Variants in MALRD1 observed in about 807,000 individuals in gnomAD.
MALRD1 encodes MAM and LDL receptor class A domain containing 1.
A neutral mutation model predicts 242.1 loss-of-function variants in MALRD1; 247 were observed. The observed-to-expected ratio is 1.02, with a 90% CI of 0.92 to 1.13. The LOEUF (loss-of-function observed/expected upper bound fraction) is 1.13. Among genes scored for constraint, MALRD1 ranks in the 50% most tolerant of loss-of-function variants. The pLI is 0.00. For synonymous variants in MALRD1, 995 were observed against 866.6 expected, an observed-to-expected ratio of 1.15 and a Z score of -2.60; for missense variants, 2,989 against 2,533.1, an observed-to-expected ratio of 1.18 and a Z score of -3.86.
chr10:19,224,401 C>G (rs1837697022), intron 18 of MALRD1, among the ~76,000 whole-genome samples: 1 of 151,900 alleles, frequency 6.6e-6, no homozygotes, highest in Non-Finnish European at 1.5e-5. Context: ...ATTCTCCTGC[C>G]TTAGCCTCTT....
intron 31 of MALRD1, among the ~76,000 whole-genome samples, chr10:19,504,120 T>C (rs1456795192): frequency 2.0e-5 from 3 of 152,228 alleles, no homozygotes; most frequent in African/African-American, 4.8e-5. Context: ...TGGTTGATAG[T>C]GTCCTGCAGG....
intron 1 of MALRD1, among the ~76,000 whole-genome samples, chr10:19,065,045 T>G (rs113309821): frequency 1.3e-5 from 2 of 151,890 alleles, no homozygotes; most frequent in Non-Finnish European, 2.9e-5. Flanking sequence ...CCCAGCACTT[T>G]GGGAGGCCGA....
intron 21 of MALRD1, among the ~76,000 whole-genome samples, chr10:19,309,498 A>T (rs1371406599): frequency 6.6e-6 from 1 of 151,486 alleles, no homozygotes; most frequent in Non-Finnish European, 1.5e-5. Flanking sequence ...AAAAGGTACT[A>T]TACTGAACAG....
intron 2 of MALRD1, among the ~76,000 whole-genome samples, chr10:19,086,059 G>A (rs1267845995): frequency 1.4e-4 from 21 of 151,922 alleles, no homozygotes; most frequent in Admixed American, 1.2e-3. Flanking sequence ...CATGATACCC[G>A]CTCTTCATCT....
intron 21 of MALRD1, among the ~76,000 whole-genome samples, chr10:19,312,566 A>C (rs1202009959): frequency 6.6e-5 from 10 of 151,262 alleles, no homozygotes; most frequent in Admixed American, 1.3e-4. Flanking sequence ...GAGCCATTTA[A>C]ATTTTAAACA....
intron 36 of MALRD1, among the ~76,000 whole-genome samples, chr10:19,670,426 A>G (rs982421534): frequency 6.6e-6 from 1 of 152,118 alleles, no homozygotes; most frequent in Non-Finnish European, 1.5e-5. Context: ...TCTTCCCAAG[A>G]ATTTTCTTTG....
chr10:19,719,255 T>TATAC (rs1834627012), intron 38 of MALRD1, among the ~76,000 whole-genome samples: 2 of 102,678 alleles, frequency 1.9e-5, no homozygotes, highest in Non-Finnish European at 4.2e-5. Flanking sequence ...TATATATATA[T>TATAC]ATATGCTATC....
chr10:19,688,256 C>T (rs1327682309), intron 36 of MALRD1, among the ~76,000 whole-genome samples: 1 of 152,140 alleles, frequency 6.6e-6, no homozygotes, highest in Non-Finnish European at 1.5e-5. Context: ...CAGGCATGAG[C>T]CACTGTGCCC....
At chr10:19,362,326 T>C (rs1275697778) in intron 26 of MALRD1, among the ~76,000 whole-genome samples, 1 of 152,146 alleles carries the variant, frequency 6.6e-6, no homozygotes, top group East Asian at 1.9e-4. Context: ...GTAGATAATA[T>C]TGAAAGTATT....
intron 12 of MALRD1, among the ~76,000 whole-genome samples, chr10:19,158,403 A>G (rs1399004164): frequency 6.6e-6 from 1 of 152,230 alleles, no homozygotes; most frequent in African/African-American, 2.4e-5. Context: ...TGTTTTACAA[A>G]TATGAATGAG....
chr10:19,283,395 CATGA>C (rs1840919959), intron 21 of MALRD1, among the ~76,000 whole-genome samples: 2 of 152,122 alleles, frequency 1.3e-5, no homozygotes, highest in Non-Finnish European at 2.9e-5. Context: ...CGGAGAAGAA[CATGA>C]ATAAGTGAAC....
In MALRD1 at chr10:19,585,988, G is replaced by A. The variant is rs544589464; in HGVS notation, c.5681-9206G>A. 3.8e-3 allele frequency among the ~76,000 whole-genome samples: 578 copies of A among 151,864 alleles called. 4 individuals carry two copies. The highest frequency in any genetic ancestry group is 0.013 in the African/African-American group (541 of 41,392). On this transcript the variant is annotated intron_variant, in intron 33 of 39. Coordinates refer to ENST00000454679, the MANE Select transcript of MALRD1 (RefSeq NM_001142308.3). The stretch of plus-strand genomic sequence containing the variant: ...CATTTCATTCATTTCATCTTCCATC[G>A]CTGATACCCTTTCTTCCAGTTGATC...
chr10:19,324,665 A>G (rs1205429327), intron 22 of MALRD1, among the ~76,000 whole-genome samples: 1 of 151,496 alleles, frequency 6.6e-6, no homozygotes, highest in Non-Finnish European at 1.5e-5. Context: ...AATCCAGTAT[A>G]GGATAATATA....
At chr10:19,064,373 G>A (rs1834908901) in intron 1 of MALRD1, among the ~76,000 whole-genome samples, 1 of 152,170 alleles carries the variant, frequency 6.6e-6, no homozygotes, top group Non-Finnish European at 1.5e-5. Flanking sequence ...GAGTTAAAAG[G>A]TAAACCAGCT....
intron 5 of MALRD1, among the ~76,000 whole-genome samples, chr10:19,105,312 C>A (rs1029694645): frequency 1.3e-5 from 2 of 151,906 alleles, no homozygotes; most frequent in African/African-American, 2.4e-5. Context: ...ATTCCAGATT[C>A]ATCCATATTG....
At chr10:19,114,837 GT>G (rs1366224902) in intron 5 of MALRD1, among the ~76,000 whole-genome samples, 2 of 152,126 alleles carry the variant, frequency 1.3e-5, no homozygotes, top group Non-Finnish European at 2.9e-5. Flanking sequence ...GATTGATTGA[GT>G]TTTGTGTCCT....
At chr10:19,531,894 A>G (rs995930251) in intron 32 of MALRD1, among the ~76,000 whole-genome samples, 4 of 152,208 alleles carry the variant, frequency 2.6e-5, no homozygotes, top group African/African-American at 4.8e-5. Flanking sequence ...GAGTTTTTCA[A>G]TCATCATGAA....
intron 28 of MALRD1, among the ~76,000 whole-genome samples, chr10:19,441,932 C>T (rs938683540): frequency 6.6e-6 from 1 of 152,242 alleles, no homozygotes; most frequent in African/African-American, 2.4e-5. Context: ...GCAGTATGGC[C>T]ATTTTCACAA....
chr10:19,503,083 C>G (rs1287048781), intron 31 of MALRD1, among the ~76,000 whole-genome samples: 2 of 152,234 alleles, frequency 1.3e-5, no homozygotes, highest in East Asian at 3.9e-4. Context: ...TGACAGAATA[C>G]TTTATTATCC....
Sources: allele counts gnomAD v4.1 joint callset (sites outside exome capture counted in the v4.1 genomes callset), GRCh38; gene constraint gnomAD v4.1.1; transcripts MANE v1.5; gene names NCBI Gene and HGNC (gene_info 2026-07-23, HGNC 2026-07-21).